The following WLS variants were observed in gnomAD, a reference collection of about 807,000 sequenced individuals.
WLS encodes the protein protein wntless homolog.
A neutral mutation model predicts 62.8 loss-of-function variants in WLS; 23 were observed. The observed-to-expected ratio is 0.37, with a 90% CI of 0.26 to 0.52. WLS has a LOEUF of 0.52. Among genes scored for constraint, WLS ranks in the 20% least tolerant of loss-of-function variants. The pLI is 0.92. For synonymous variants in WLS, 246 were observed against 244.1 expected (o/e 1.01, Z -0.07); for missense variants, 615 against 697.3 (o/e 0.88, Z 1.33).
In WLS at chr1:68,148,599, C is replaced by T; in HGVS notation, c.1034G>A (p.Gly345Asp). 2 of 1,614,108 alleles carry T rather than the reference C, an allele frequency of 1.2e-6. No individual in the cohort carries two copies. The highest frequency in any genetic ancestry group is 1.7e-6 in the Non-Finnish European group (2 of 1,179,994). ...GTCAAATATGAAGAGGCAGAAGGAGCCAACGGCAATGGGTCCGACTTGCTT... is the reference window on the plus strand; with the variant it reads ...GTCAAATATGAAGAGGCAGAAGGAGTCAACGGCAATGGGTCCGACTTGCTT... ...YWKQVGPIAVGSFCLFIFDMC... is the reference protein window; with the variant it reads ...YWKQVGPIAVDSFCLFIFDMC... Residue 345 changes from glycine (G) to aspartate (D), a missense_variant, in exon 7 of 12, where the codon GGC becomes GAC. Transcript: ENST00000262348.
intron 1 of WLS, among the ~76,000 whole-genome samples, chr1:68,224,971 A>C (rs1207162552): frequency 6.6e-6 from 1 of 152,150 alleles, no homozygotes; most frequent in Non-Finnish European, 1.5e-5. Context: ...CTGCACTCTT[A>C]TTTACTATCT....
intron 5 of WLS, 36 bp downstream of exon 5, chr1:68,153,481 A>G: frequency 1.2e-6 from 2 of 1,613,042 alleles, no homozygotes; most frequent in Non-Finnish European, 1.7e-6. Context: ...ATGAGAAGCC[A>G]GTATTCCTGA....
chr1:68,168,577 A>G (rs146145047), intron 2 of WLS, among the ~76,000 whole-genome samples: 184 of 152,308 alleles, frequency 1.2e-3, no homozygotes, highest in African/African-American at 4.0e-3. Context: ...ATTAGAGGAA[A>G]TCAGGAATGA....
chr1:68,186,504 A>C (rs1647948424), intron 2 of WLS: 1 of 396,738 alleles, frequency 2.5e-6, no homozygotes, highest in Non-Finnish European at 5.0e-6. Context: ...GAAAAGTTAA[A>C]AAAAAAAAAA....
At chr1:68,169,585 G>T (rs1647115883) in intron 2 of WLS, among the ~76,000 whole-genome samples, 1 of 152,066 alleles carries the variant, frequency 6.6e-6, no homozygotes, top group Non-Finnish European at 1.5e-5. Context: ...GTTTAGAAAT[G>T]CAAACCACCA....
At chr1:68,185,032 C>A (rs1018461709) in intron 2 of WLS, among the ~76,000 whole-genome samples, 1 of 152,138 alleles carries the variant, frequency 6.6e-6, no homozygotes, top group South Asian at 2.1e-4. Flanking sequence ...ATGGAAGGAG[C>A]GGGGCACAGA....
At chr1:68,222,837 C>T (rs1385233412) in intron 1 of WLS, among the ~76,000 whole-genome samples, 2 of 148,858 alleles carry the variant, frequency 1.3e-5, no homozygotes, top group East Asian at 4.0e-4. Flanking sequence ...GTGACAAAAT[C>T]CCACAGCTTT....
chr1:68,185,404 G>A (rs926179556), intron 2 of WLS, among the ~76,000 whole-genome samples: 7 of 152,176 alleles, frequency 4.6e-5, no homozygotes, highest in African/African-American at 1.7e-4. Context: ...GGTATGGCAG[G>A]GATCCCTGAC....
At chr1:68,175,386 A>G (rs572938283) in intron 2 of WLS, among the ~76,000 whole-genome samples, 1 of 152,354 alleles carries the variant, frequency 6.6e-6, no homozygotes, top group Non-Finnish European at 1.5e-5. Context: ...CTGACTCAGC[A>G]GCTCAAGTAC....
At chr1:68,120,420 G>C (rs989123630), downstream of WLS, among the ~76,000 whole-genome samples, 3 of 152,180 alleles carry the variant, frequency 2.0e-5, no homozygotes, top group Admixed American at 2.0e-4. Context: ...CTCCCAATAA[G>C]GTCATTTGGT....
intron 11 of WLS, among the ~76,000 whole-genome samples, chr1:68,130,167 T>C (rs1291712450): frequency 1.3e-5 from 2 of 152,228 alleles, no homozygotes; most frequent in Non-Finnish European, 2.9e-5. Flanking sequence ...CCGGCAGCAT[T>C]TTAATGACAA....
chr1:68,110,691 C>CA (rs1646216406), intron 11 of WLS, among the ~76,000 whole-genome samples: 1 of 143,074 alleles, frequency 7.0e-6, no homozygotes, highest in South Asian at 2.3e-4. Flanking sequence ...CTCTCTCTCT[C>CA]CATATATATA....
intron 11 of WLS, among the ~76,000 whole-genome samples, chr1:68,130,912 T>TA (rs1553125839): frequency 5.2e-5 from 7 of 135,116 alleles, no homozygotes. Flanking sequence ...TTTTTTTTTT[T>TA]AGATGGAGTC....
At chr1:68,106,708 G>A (rs577161834) in intron 11 of WLS, among the ~76,000 whole-genome samples, 100 of 147,812 alleles carry the variant, frequency 6.8e-4, no homozygotes, top group African/African-American at 2.4e-3. Flanking sequence ...GTGTGCATGT[G>A]TTTGTCACTG....
intron 1 of WLS, among the ~76,000 whole-genome samples, chr1:68,209,571 G>A (rs1418787565): frequency 6.6e-6 from 1 of 152,186 alleles, no homozygotes; most frequent in Non-Finnish European, 1.5e-5. Flanking sequence ...CTGATGTCGG[G>A]AGTTTGAGAC....
intron 11 of WLS, among the ~76,000 whole-genome samples, chr1:68,130,275 A>G (rs377434003): frequency 1.3e-5 from 2 of 152,204 alleles, no homozygotes; most frequent in Admixed American, 1.3e-4. Flanking sequence ...AGGTACCACT[A>G]GAGGTCTTCT....
In WLS at chr1:68,230,588, C is replaced by CGCGTGT. The variant is rs1553139180; in HGVS notation, c.106+1605_106+1606insACACGC. 2.5e-3 allele frequency among the ~76,000 whole-genome samples: 368 copies of CGCGTGT among 149,148 alleles called. 1 individual carries two copies. Among genetic ancestry groups the CGCGTGT allele is most frequent in the East Asian group, 9.9e-3 (49 of 4,956 alleles). On this transcript the variant is annotated intron_variant, in intron 1 of 11. Coordinates refer to ENST00000262348, the MANE Select transcript of WLS (RefSeq NM_024911.7). ...GCCAACCCGTGTGTGTGTGTGCGCG[C>CGCGTGT]GTGTGTGTGTGTGTGTGTGTGTGTG...
At chr1:68,134,577 C>A (rs112810938) in intron 11 of WLS, among the ~76,000 whole-genome samples, 3,737 of 152,288 alleles carry the variant, frequency 0.025, 52 homozygotes, top group Middle Eastern at 0.041. Flanking sequence ...ATGACATGAG[C>A]CTTGTTTTGC....
At chr1:68,119,259 TATAA>T (rs1392318156) in intron 11 of WLS, among the ~76,000 whole-genome samples, 21 of 152,142 alleles carry the variant, frequency 1.4e-4, no homozygotes, top group African/African-American at 4.8e-4. Context: ...TCTTAATGTA[TATAA>T]ATCTACACAT....
Sources: gnomAD v4.1 joint callset for allele counts (sites outside exome capture counted in the v4.1 genomes callset) on GRCh38, gnomAD v4.1.1 for gene constraint, MANE v1.5 for transcripts, NCBI Gene and HGNC (gene_info 2026-07-23, HGNC 2026-07-21) for gene names.